The following RAE1 variants were observed in gnomAD, a reference collection of about 807,000 sequenced individuals.
The protein encoded by RAE1 is ribonucleic acid export 1.
Under a neutral mutation model 52.7 loss-of-function variants are expected in RAE1, and 13 were observed. The observed-to-expected ratio is 0.25, with a 90% CI of 0.16 to 0.39. RAE1 has a LOEUF of 0.39. Ranked by LOEUF, RAE1 falls within the 10% of genes least tolerant of loss-of-function variation. RAE1 has a pLI of 1.00. For synonymous variants in RAE1, 164 were observed against 153.1 expected (o/e 1.07, Z -0.52); for missense variants, 262 against 459.8 (o/e 0.57, Z 3.93).
In RAE1 at chr20:57,375,027, G is replaced by A. The variant is rs891311570; in HGVS notation, c.1020+226G>A. The A allele has an allele frequency of 7.0e-6, 5 of 709,490 alleles. No homozygotes were observed. The Admixed American group carries it at 8.0e-5, about 11-fold the overall frequency. The allele number at this position is 709,490 out of a possible 1,614,324, so 43.9% of individuals were successfully genotyped here. On this transcript the variant is annotated intron_variant, in intron 11 of 11. Coordinates refer to ENST00000395841, the MANE Select transcript of RAE1 (RefSeq NM_003610.4). ...AGCACACAGGAAGTGCTCGGCCAGT[G>A]TGAGCCATTACGGGCTGCTCTGTTC... is the stretch of plus-strand genomic sequence containing the variant.
At position 57,351,297 on chromosome 20, in the gene RAE1, A is replaced by G; in HGVS notation, c.-133A>G. 4.1e-6 allele frequency: 4 copies of G among 985,326 alleles called. No homozygotes were observed. Among genetic ancestry groups the G allele is most frequent in the Non-Finnish European group, 4.8e-6 (4 of 829,904 alleles). 61.0% of individuals were successfully genotyped at this position (985,326 alleles called of 1,614,324 possible). ...GGCAGTTTCTACCGCAGGCTTAAGG[A>G]GGCTTCGGGCTCCTGGGATTTCTGT... On this transcript the variant is annotated 5_prime_UTR_variant, in exon 1 of 12. Coordinates refer to ENST00000395841, the MANE Select transcript of RAE1 (RefSeq NM_003610.4).
Position 57,367,021 on chromosome 20 carries a change from G to A in RAE1, c.476G>A (p.Arg159Gln), listed in dbSNP as rs746780109. The A allele has an allele frequency of 3.7e-6, 6 of 1,610,112 alleles. No homozygotes were observed. Among genetic ancestry groups the A allele is most frequent in the Admixed American group, 3.3e-5 (2 of 60,002 alleles). Reference protein sequence around the residue: ...WDKTLKFWDTRSSNPMMVLQL... With the variant: ...WDKTLKFWDTQSSNPMMVLQL... The stretch of plus-strand genomic sequence containing the variant: ...TTTTGCTTTTAGTTTTGGGATACTC[G>A]ATCGTCAAATCCTATGATGGTTTTG... The change falls in exon 7 of 12, where the codon CGA (arginine) becomes CAA (glutamine). Residue 159 changes from arginine (R) to glutamine (Q), a missense_variant. Arg to Gln is a conservative substitution (Grantham distance 43). Transcript: ENST00000395841.
At chr20:57,375,617 T>C (rs1001298633) in intron 11 of RAE1, among the ~76,000 whole-genome samples, 3 of 152,130 alleles carry the variant, frequency 2.0e-5, no homozygotes, top group African/African-American at 7.2e-5. Flanking sequence ...CATGGAAGGC[T>C]CGAGGAACCA....
chr20:57,369,274 A>G (rs1301735334), intron 8 of RAE1, among the ~76,000 whole-genome samples: 1 of 152,248 alleles, frequency 6.6e-6, no homozygotes, highest in Non-Finnish European at 1.5e-5. Flanking sequence ...TTCATGGTAA[A>G]TTGGGTTCTC....
chr20:57,358,744 C>A (rs1354828103), intron 4 of RAE1: 2 of 376,576 alleles, frequency 5.3e-6, no homozygotes, highest in Non-Finnish European at 9.5e-6. Context: ...GCGCTGTTAT[C>A]CCTAGGGTAA....
intron 4 of RAE1, 36 bp downstream of exon 4, chr20:57,356,574 TTAAAG>T (rs2066790685): frequency 6.5e-7 from 1 of 1,529,868 alleles, no homozygotes; most frequent in African/African-American, 1.4e-5. Flanking sequence ...TCCATTTTAC[TTAAAG>T]TACAGAATGA....
At chr20:57,360,773 A>T (rs938946709) in intron 4 of RAE1, among the ~76,000 whole-genome samples, 3 of 152,186 alleles carry the variant, frequency 2.0e-5, no homozygotes, top group Non-Finnish European at 4.4e-5. Flanking sequence ...CCTAAATATT[A>T]GTATAGCTTA....
intron 4 of RAE1, chr20:57,357,425 C>T (rs1426618119): frequency 6.6e-6 from 1 of 152,066 alleles, no homozygotes; most frequent in African/African-American, 2.4e-5. Flanking sequence ...AGATATATTT[C>T]CTATGTTTGG....
intron 4 of RAE1, chr20:57,357,787 A>G (rs1015144709): frequency 6.6e-6 from 1 of 152,252 alleles, no homozygotes; most frequent in African/African-American, 2.4e-5. Context: ...TGTTAGATCA[A>G]AAGAGGCTCA....
chr20:57,361,170 G>A (rs1323698139), intron 4 of RAE1, among the ~76,000 whole-genome samples: 9 of 152,202 alleles, frequency 5.9e-5, no homozygotes, highest in African/African-American at 2.2e-4. Flanking sequence ...AGTTGGATTG[G>A]CAGAGGTTTG....
At chr20:57,363,292 A>G (rs1047463124) in intron 4 of RAE1, among the ~76,000 whole-genome samples, 7 of 152,160 alleles carry the variant, frequency 4.6e-5, no homozygotes, top group African/African-American at 1.7e-4. Flanking sequence ...GATGAAGGAT[A>G]GCTTGAGGTC....
intron 7 of RAE1, among the ~76,000 whole-genome samples, chr20:57,368,132 T>G (rs1367905734): frequency 2.0e-5 from 3 of 152,174 alleles, no homozygotes; most frequent in African/African-American, 7.2e-5. Flanking sequence ...ATGATCCACC[T>G]GCCTCGGCCT....
chr20:57,365,466 G>A, intron 5 of RAE1, 24 bp downstream of exon 5: 1 of 1,534,822 alleles, frequency 6.5e-7, no homozygotes, highest in African/African-American at 1.4e-5. Flanking sequence ...CTGCAGAAAG[G>A]CTAGGCACAA....
chr20:57,372,901 AG>A (rs2067056909), intron 8 of RAE1: 1 of 152,758 alleles, frequency 6.5e-6, no homozygotes. Flanking sequence ...TTTTCTGCCC[AG>A]GAGGCTGGGT....
At position 57,366,830 on chromosome 20, in the gene RAE1, C is replaced by A; in HGVS notation, c.399C>A (p.Ile133=). 6.2e-7 allele frequency: 1 copy of A among 1,613,440 alleles called. No homozygotes were observed. Among genetic ancestry groups the A allele is most frequent in the East Asian group, 2.2e-5 (1 of 44,888 alleles). The part of the protein sequence containing the change: ...IAQHDAPVKT[I]HWIKAPNYSC... ...AGCATGATGCTCCTGTTAAAACCAT[C>A]CATTGGATCAAAGCTCCAAACTACA... Residue 133 remains isoleucine, a synonymous_variant, in exon 6 of 12, where the codon ATC becomes ATA. Transcript: ENST00000395841.
rs756342397 is a variant in RAE1, at chr20:57,367,107, T to C, written c.534+28T>C. The C allele has an allele frequency of 8.7e-6, 13 of 1,500,906 alleles. No individual in the cohort carries two copies. The South Asian group carries it at 1.3e-4, about 15-fold the overall frequency. The allele number at this position is 1,500,906 out of a possible 1,614,324, so 93.0% of individuals were successfully genotyped here. ...AAGGGATTTCAACTTAATATGTATT[T>C]ACTTTAAAAAAAAAACAAAATAAGT... On this transcript the variant is annotated intron_variant, in intron 7 of 11. Coordinates refer to ENST00000395841, the MANE Select transcript of RAE1 (RefSeq NM_003610.4).
chr20:57,362,606 A>G (rs1348377740), intron 4 of RAE1, among the ~76,000 whole-genome samples: 1 of 152,214 alleles, frequency 6.6e-6, no homozygotes, highest in Non-Finnish European at 1.5e-5. Context: ...GGAATTTATA[A>G]AACGGAATCT....
At chr20:57,353,028 C>T (rs1223945651) in intron 1 of RAE1, among the ~76,000 whole-genome samples, 1 of 152,178 alleles carries the variant, frequency 6.6e-6, no homozygotes, top group Non-Finnish European at 1.5e-5. Flanking sequence ...AACTCAAATG[C>T]CTTCCCCAAA....
chr20:57,353,023 A>AT (rs2066733305), intron 1 of RAE1, among the ~76,000 whole-genome samples: 2 of 152,198 alleles, frequency 1.3e-5, no homozygotes, highest in African/African-American at 4.8e-5. Flanking sequence ...GAGGAAACTC[A>AT]AATGCCTTCC....
Sources: gnomAD v4.1 joint callset for allele counts (sites outside exome capture counted in the v4.1 genomes callset) on GRCh38, gnomAD v4.1.1 for gene constraint, MANE v1.5 for transcripts, NCBI Gene and HGNC (gene_info 2026-07-23, HGNC 2026-07-21) for gene names.